The following PRIMPOL variants were observed in gnomAD, a reference collection of about 807,000 sequenced individuals.
PRIMPOL encodes the protein primase and DNA directed polymerase.
A neutral mutation model predicts 63.6 loss-of-function variants in PRIMPOL; 54 were observed. The observed-to-expected ratio is 0.85, with a 90% CI of 0.68 to 1.07. The LOEUF is 1.07. Among genes scored for constraint, PRIMPOL ranks in the 50% least tolerant of loss-of-function variants. PRIMPOL has a pLI of 0.00. For missense variants in PRIMPOL, 610 were observed against 648.3 expected (o/e 0.94, Z 0.64); for synonymous variants, 197 against 220.2 (o/e 0.89, Z 0.93).
intron 8 of PRIMPOL, among the ~76,000 whole-genome samples, chr4:184,679,412 C>T (rs924515304): frequency 1.9e-4 from 29 of 152,250 alleles, no homozygotes; most frequent in African/African-American, 6.7e-4. Flanking sequence ...GCTATGAATG[C>T]ACCACTGCAC....
Position 184,678,286 on chromosome 4 carries a change from A to G in PRIMPOL, c.899A>G (p.Lys300Arg), listed in dbSNP as rs778604157. 3.1e-6 allele frequency: 5 copies of G among 1,601,794 alleles called. No homozygotes were observed. Among genetic ancestry groups the G allele is most frequent in the Non-Finnish European group, 4.3e-6 (5 of 1,176,028 alleles). The part of the protein sequence containing the change: ...FRLYKSSKIG[K>R]RVALEVTEDN... ...CTATATAAATCATCAAAAATTGGAA[A>G]GCGTGTGGCTTTGGAGGTTACTGAA... The change falls in exon 8 of 14, where the codon AAG (lysine) becomes AGG (arginine). Residue 300 changes from lysine to arginine, a missense_variant. Transcript: ENST00000314970.
chr4:184,687,000 T>G (rs1277129757), intron 11 of PRIMPOL, among the ~76,000 whole-genome samples: 1 of 152,230 alleles, frequency 6.6e-6, no homozygotes, highest in Non-Finnish European at 1.5e-5. Flanking sequence ...TAACACCTTG[T>G]ATTATGTCTC....
intron 2 of PRIMPOL, among the ~76,000 whole-genome samples, chr4:184,654,993 G>T (rs1579280733): frequency 6.6e-6 from 1 of 151,826 alleles, no homozygotes; most frequent in African/African-American, 2.4e-5. Flanking sequence ...ACAAGGTCAT[G>T]ATGTACTATC....
In PRIMPOL at chr4:184,659,338, A is replaced by T. The variant is rs762019678; in HGVS notation, c.181-2A>T. ...TCTGAATTCTTTTTTGATTTTATGC[A>T]GGACGTTCATGTATTTGCTTTGGAA... On this transcript the variant is annotated splice_acceptor_variant, in intron 3 of 13. Transcript: ENST00000314970. LOFTEE classifies it high-confidence loss of function. The T allele has an allele frequency of 6.2e-7, 1 of 1,609,016 alleles. No individual in the cohort carries two copies. Among genetic ancestry groups the T allele is most frequent in the Non-Finnish European group, 8.5e-7 (1 of 1,175,712 alleles).
intron 7 of PRIMPOL, among the ~76,000 whole-genome samples, chr4:184,673,185 A>T (rs1752318080): frequency 6.8e-6 from 1 of 147,724 alleles, no homozygotes; most frequent in Non-Finnish European, 1.5e-5. Context: ...GCCGGACTGC[A>T]GTGGCACAAT....
intron 8 of PRIMPOL, among the ~76,000 whole-genome samples, chr4:184,681,530 GTATTATTTT>G (rs1220731898): frequency 2.0e-5 from 3 of 151,688 alleles, no homozygotes; most frequent in Non-Finnish European, 4.4e-5. Context: ...TTTTTAATTT[GTATTATTTT>G]TATTATTTTT....
intron 7 of PRIMPOL, among the ~76,000 whole-genome samples, chr4:184,673,133 T>TCC (rs1393133477): frequency 2.8e-3 from 35 of 12,468 alleles, no homozygotes; most frequent in Admixed American, 3.4e-3. Flanking sequence ...TTTTTTCTTT[T>TCC]TCTTTTTTTT....
At chr4:184,663,044 T>TATTATA in intron 5 of PRIMPOL, among the ~76,000 whole-genome samples, 1 of 147,348 alleles carries the variant, frequency 6.8e-6, no homozygotes, top group South Asian at 2.1e-4. Flanking sequence ...TTATTATTAT[T>TATTATA]ATTATTATTA....
At chr4:184,662,955 C>G (rs776896228) in intron 5 of PRIMPOL, among the ~76,000 whole-genome samples, 35 of 150,076 alleles carry the variant, frequency 2.3e-4, no homozygotes, top group Non-Finnish European at 4.7e-4. Context: ...GCCATTGAAC[C>G]CTTAAAAATA....
chr4:184,691,851 T>TTAC, intron 13 of PRIMPOL, 139 bp downstream of exon 13: 2 of 638,440 alleles, frequency 3.1e-6, no homozygotes, highest in Non-Finnish European at 5.4e-6. Context: ...TATAGGAATA[T>TTAC]ATTGTAGTGA....
At chr4:184,669,542 C>A (rs992907275) in intron 6 of PRIMPOL, among the ~76,000 whole-genome samples, 4 of 152,132 alleles carry the variant, frequency 2.6e-5, no homozygotes, top group African/African-American at 9.7e-5. Context: ...AGCCACAGGC[C>A]GAAAGCTGAG....
rs751600739 is a variant in PRIMPOL, at chr4:184,666,053, A to C, written c.545A>C (p.Asn182Thr). The change falls in exon 6 of 14, where the codon AAT (asparagine) becomes ACT (threonine). Residue 182 changes from asparagine to threonine, a missense_variant. Physicochemically the swap from Asn to Thr is moderately conservative, Grantham distance 65 (BLOSUM62 0). Coordinates refer to ENST00000314970, the MANE Select transcript of PRIMPOL (RefSeq NM_152683.4). Reference protein sequence around the residue: ...FQLHDVAFKDNIHVGNFLRKI... With the variant: ...FQLHDVAFKDTIHVGNFLRKI... ...CTCCATGATGTGGCATTTAAAGATA[A>C]TATTCATGTTGGTAAGTACACGGCT... The C allele has an allele frequency of 6.2e-7, 1 of 1,604,722 alleles. No individual in the cohort carries two copies. Among genetic ancestry groups the C allele is most frequent in the South Asian group, 1.1e-5 (1 of 89,080 alleles).
chr4:184,654,318 TAGAA>T (rs1363264146), intron 2 of PRIMPOL, among the ~76,000 whole-genome samples: 1 of 152,246 alleles, frequency 6.6e-6, no homozygotes, highest in African/African-American at 2.4e-5. Flanking sequence ...AACTTCATGA[TAGAA>T]AGTCAGTTTC....
chr4:184,685,504 G>A lies in PRIMPOL; in HGVS notation c.1186+6G>A, dbSNP rs763915603. On this transcript the variant is annotated splice_donor_region_variant and intron_variant, in intron 10 of 13. Coordinates refer to ENST00000314970, the MANE Select transcript of PRIMPOL (RefSeq NM_152683.4). ...TAAAGATGGCATTAAAGGAGGTAAA[G>A]TTAATCTCATCCTTTGTTAACTGTT... 2.3e-5 allele frequency: 37 copies of A among 1,599,492 alleles called. No individual in the cohort carries two copies. The highest frequency in any genetic ancestry group is 1.7e-4 in the Middle Eastern group (1 of 6,060).
At chr4:184,664,868 A>G (rs1749402007) in intron 5 of PRIMPOL, among the ~76,000 whole-genome samples, 2 of 152,202 alleles carry the variant, frequency 1.3e-5, no homozygotes, top group Non-Finnish European at 2.9e-5. Context: ...ATAAAGAGAA[A>G]AAGAGTATGT....
chr4:184,656,718 C>T (rs11930666), intron 2 of PRIMPOL, among the ~76,000 whole-genome samples: 4,486 of 152,258 alleles, frequency 0.029, 240 homozygotes, highest in African/African-American at 0.1. Context: ...GTAAAAACCA[C>T]AGTGATACAA....
intron 8 of PRIMPOL, among the ~76,000 whole-genome samples, chr4:184,681,308 T>C (rs931340916): frequency 1.3e-5 from 2 of 152,150 alleles, no homozygotes; most frequent in Non-Finnish European, 2.9e-5. Context: ...AAAGGCTCTT[T>C]GTGTTTGGTG....
intron 5 of PRIMPOL, among the ~76,000 whole-genome samples, chr4:184,663,765 T>C (rs1011745318): frequency 3.9e-5 from 6 of 152,158 alleles, no homozygotes; most frequent in Non-Finnish European, 7.3e-5. Flanking sequence ...ACAGTTCTCA[T>C]TGGATTACTT....
At chr4:184,684,015 C>T (rs936541830) in intron 9 of PRIMPOL, among the ~76,000 whole-genome samples, 1 of 151,518 alleles carries the variant, frequency 6.6e-6, no homozygotes, top group African/African-American at 2.4e-5. Flanking sequence ...ATTTTCTTGT[C>T]TTATATGTAT....
Sources: allele counts gnomAD v4.1 joint callset (sites outside exome capture counted in the v4.1 genomes callset), GRCh38; gene constraint gnomAD v4.1.1; transcripts MANE v1.5; gene names NCBI Gene and HGNC (gene_info 2026-07-23, HGNC 2026-07-21).